Variants in TAF4B observed in about 807,000 individuals in gnomAD.
TAF4B encodes TATA-box binding protein associated factor 4b, also known as transcription initiation factor TFIID subunit 4B.
Under a neutral mutation model 86.4 loss-of-function variants are expected in TAF4B, and 38 were observed. That is an observed-to-expected ratio of 0.44 (90% CI 0.34 to 0.58). The LOEUF (loss-of-function observed/expected upper bound fraction) is 0.58. TAF4B is among the 20% of genes least tolerant of loss of function. The pLI, the probability that TAF4B is intolerant of heterozygous loss-of-function variation, is 0.02. For missense variants in TAF4B, 988 were observed against 1,027.6 expected (o/e 0.96, Z 0.53); for synonymous variants, 388 against 391.2 (o/e 0.99, Z 0.10).
At chr18:26,388,352 G>A (rs1978500432) in intron 14 of TAF4B, among the ~76,000 whole-genome samples, 1 of 152,184 alleles carries the variant, frequency 6.6e-6, no homozygotes, top group Admixed American at 6.5e-5. Flanking sequence ...ATGACATTTA[G>A]AATTCATGTT....
At chr18:26,380,915 G>C (rs2144378489) in intron 14 of TAF4B, among the ~76,000 whole-genome samples, 1 of 151,802 alleles carries the variant, frequency 6.6e-6, no homozygotes, top group African/African-American at 2.4e-5. Flanking sequence ...AATTTTCCCA[G>C]TTTTTTTCTC....
intron 6 of TAF4B, among the ~76,000 whole-genome samples, chr18:26,284,449 A>G (rs1015251105): frequency 6.6e-6 from 1 of 152,228 alleles, no homozygotes; most frequent in Non-Finnish European, 1.5e-5. Flanking sequence ...GCTGTTTGGC[A>G]CAAGAGTCCT....
intron 9 of TAF4B, chr18:26,295,316 T>C (rs2056649446): frequency 4.2e-6 from 1 of 236,652 alleles, no homozygotes; most frequent in South Asian, 4.8e-5. Context: ...GGCTCACAGG[T>C]ATAGAATTCC....
chr18:26,291,051 TTGCTA>T (rs1356384736), intron 7 of TAF4B, among the ~76,000 whole-genome samples: 1 of 152,216 alleles, frequency 6.6e-6, no homozygotes, highest in African/African-American at 2.4e-5. Flanking sequence ...GGGGCATTAG[TTGCTA>T]TAGGATTACT....
chr18:26,278,616 G>GTTT (rs57064009), intron 5 of TAF4B, among the ~76,000 whole-genome samples: 1 of 140,456 alleles, frequency 7.1e-6, no homozygotes, highest in African/African-American at 2.6e-5. Flanking sequence ...GCCTTCTGTT[G>GTTT]TTTTTTTTTT....
At chr18:26,302,106 G>C (rs1482312636) in intron 9 of TAF4B, among the ~76,000 whole-genome samples, 1 of 151,980 alleles carries the variant, frequency 6.6e-6, no homozygotes, top group African/African-American at 2.4e-5. Context: ...ATTGTTTTGA[G>C]GTTACAATGG....
At position 26,336,154 on chromosome 18, in the gene TAF4B, G is replaced by A. The variant is rs928114036; in HGVS notation, c.2316+923G>A. 9.2e-5 allele frequency among the ~76,000 whole-genome samples: 14 copies of A among 152,292 alleles called. No homozygotes were observed. In the East Asian group the frequency reaches 2.5e-3, roughly 27 times the overall value. On this transcript the variant is annotated intron_variant, in intron 13 of 14. Coordinates refer to ENST00000269142, the MANE Select transcript of TAF4B (RefSeq NM_005640.3). Reference sequence around the variant, plus strand: ...GCAGATGATAATAAAGACAATTGAGGTGTGAGACGTGTGATATGGAGCTGA... The same window carrying A: ...GCAGATGATAATAAAGACAATTGAGATGTGAGACGTGTGATATGGAGCTGA...
At chr18:26,250,615 A>T (rs2055992579) in intron 1 of TAF4B, among the ~76,000 whole-genome samples, 1 of 152,148 alleles carries the variant, frequency 6.6e-6, no homozygotes, top group Non-Finnish European at 1.5e-5. Context: ...AAGTGCTGAG[A>T]TTACCAATGT....
intron 1 of TAF4B, chr18:26,255,917 C>T: frequency 8.0e-7 from 1 of 1,242,918 alleles, no homozygotes; most frequent in Non-Finnish European, 1.2e-6. Context: ...CAGAAGCCAT[C>T]TCTGTATCTG....
At chr18:26,264,395 C>T (rs781775599) in intron 1 of TAF4B, among the ~76,000 whole-genome samples, 11 of 152,054 alleles carry the variant, frequency 7.2e-5, no homozygotes, top group Admixed American at 4.6e-4. Context: ...GAGCCAAGAT[C>T]GTCTGGGCGA....
chr18:26,242,015 A>T (rs926096308), intron 1 of TAF4B, among the ~76,000 whole-genome samples: 1 of 152,182 alleles, frequency 6.6e-6, no homozygotes, highest in African/African-American at 2.4e-5. Context: ...CTATGTGGTC[A>T]ATTTTGGAAT....
intron 14 of TAF4B, among the ~76,000 whole-genome samples, chr18:26,369,321 C>T (rs1445511076): frequency 1.3e-5 from 2 of 152,058 alleles, no homozygotes; most frequent in African/African-American, 4.8e-5. Flanking sequence ...TGAAATACCC[C>T]TTTGGAAATG....
At chr18:26,326,932 C>A in intron 11 of TAF4B, 83 bp from the exon 12 acceptor site, 1 of 1,403,992 alleles carries the variant, frequency 7.1e-7, no homozygotes, top group Non-Finnish European at 9.4e-7. Context: ...GTATTCCTGC[C>A]TTTAGCAGGT....
intron 1 of TAF4B, among the ~76,000 whole-genome samples, chr18:26,255,514 A>T (rs377356308): frequency 6.7e-6 from 1 of 149,236 alleles, no homozygotes; most frequent in African/African-American, 2.5e-5. Flanking sequence ...GAGGCAGGAG[A>T]ATCACTTGAA....
chr18:26,255,851 C>T, intron 1 of TAF4B: 1 of 1,343,802 alleles, frequency 7.4e-7, no homozygotes, highest in Non-Finnish European at 1.1e-6. Flanking sequence ...AACATGTCTT[C>T]TGTCTTTTCT....
intron 1 of TAF4B, among the ~76,000 whole-genome samples, chr18:26,232,925 A>G (rs892512328): frequency 1.3e-5 from 2 of 152,146 alleles, no homozygotes; most frequent in African/African-American, 4.8e-5. Flanking sequence ...CCCTATAAGT[A>G]GTGGTATTAG....
intron 14 of TAF4B, among the ~76,000 whole-genome samples, chr18:26,388,694 G>A (rs1340434391): frequency 1.3e-5 from 2 of 152,218 alleles, no homozygotes; most frequent in Non-Finnish European, 2.9e-5. Context: ...AAGATGTCTT[G>A]TAAAGGAGCA....
At chr18:26,275,781 C>T (rs1184592052) in intron 5 of TAF4B, among the ~76,000 whole-genome samples, 1 of 151,746 alleles carries the variant, frequency 6.6e-6, no homozygotes, top group Non-Finnish European at 1.5e-5. Context: ...TTTGGGAGGC[C>T]GAGGCAGGTG....
intron 6 of TAF4B, among the ~76,000 whole-genome samples, chr18:26,283,159 C>T (rs1156936440): frequency 6.6e-6 from 1 of 152,186 alleles, no homozygotes; most frequent in African/African-American, 2.4e-5. Context: ...TTAATGGCAT[C>T]TAGAATGGTG....
Sources: gnomAD v4.1 joint callset for allele counts (sites outside exome capture counted in the v4.1 genomes callset) on GRCh38, gnomAD v4.1.1 for gene constraint, MANE v1.5 for transcripts, NCBI Gene and HGNC (gene_info 2026-07-23, HGNC 2026-07-21) for gene names.